Variants in AVL9 observed in about 807,000 individuals in gnomAD.
AVL9 encodes late secretory pathway protein AVL9 homolog.
In AVL9, 49 loss-of-function variants were observed where a neutral mutation model predicts 79.2. The observed-to-expected ratio is 0.62, with a 90% confidence interval of 0.49 to 0.79. The LOEUF (loss-of-function observed/expected upper bound fraction) is 0.79, where lower values mean the gene tolerates loss of function less well. Ranked by LOEUF, AVL9 falls within the 30% of genes least tolerant of loss-of-function variation. The probability of loss-of-function intolerance (pLI) is 0.00; values close to 1 mark genes in which losing one functional copy is unlikely to be tolerated. For synonymous variants in AVL9, 299 were observed against 280.6 expected (o/e 1.07, Z -0.65); for missense variants, 682 against 776.8 (o/e 0.88, Z 1.45).
intron 1 of AVL9, among the ~76,000 whole-genome samples, chr7:32,516,108 ATTC>A (rs1787892777): frequency 1.3e-5 from 2 of 152,290 alleles, no homozygotes; most frequent in South Asian, 4.1e-4. Context: ...TCATGGGCAG[ATTC>A]TTCTTAGGTC....
At chr7:32,514,310 T>C (rs1296005581) in intron 1 of AVL9, among the ~76,000 whole-genome samples, 1 of 152,232 alleles carries the variant, frequency 6.6e-6, no homozygotes, top group Admixed American at 6.5e-5. Context: ...CCACAGTGCA[T>C]TGTGTCTCTG....
At chr7:32,529,683 T>C (rs1391768642) in intron 1 of AVL9, among the ~76,000 whole-genome samples, 1 of 152,214 alleles carries the variant, frequency 6.6e-6, no homozygotes, top group Non-Finnish European at 1.5e-5. Context: ...GAACACTTCA[T>C]CTTCATATAT....
intron 1 of AVL9, among the ~76,000 whole-genome samples, chr7:32,523,173 G>A (rs1459139889): frequency 4.7e-5 from 5 of 105,990 alleles, no homozygotes; most frequent in African/African-American, 1.8e-4. Flanking sequence ...AAAAAAAAAA[G>A]GAAAGCAAAA....
Position 32,544,693 on chromosome 7 carries a change from G to T in AVL9, c.215-1G>T. ...TTTACATTTTTCTATGTATCTCTTA[G>T]ATACTGTGTTTTTTCACTTGCCACC... On this transcript the variant is annotated splice_acceptor_variant, in intron 2 of 15. Transcript: ENST00000318709. LOFTEE classifies it high-confidence loss of function. 6.2e-7 allele frequency: 1 copy of T among 1,609,528 alleles called. No homozygotes were observed.
At chr7:32,514,397 C>T (rs538830814) in intron 1 of AVL9, among the ~76,000 whole-genome samples, 4 of 152,336 alleles carry the variant, frequency 2.6e-5, no homozygotes, top group African/African-American at 9.6e-5. Context: ...AAAGCACATC[C>T]TGCACAGCCC....
intron 10 of AVL9, among the ~76,000 whole-genome samples, chr7:32,569,170 G>A (rs897858048): frequency 2.0e-5 from 3 of 152,158 alleles, no homozygotes; most frequent in Non-Finnish European, 4.4e-5. Context: ...GTGATGAGAT[G>A]TAAAAAAATA....
rs1789300392 is a variant in AVL9, at chr7:32,543,235, C to T, written c.188C>T (p.Pro63Leu). Reference protein sequence around the residue: ...EWKYLPFLALPDGAHNYQEDT... With the variant: ...EWKYLPFLALLDGAHNYQEDT... The stretch of plus-strand genomic sequence containing the variant: ...AAGTATTTGCCCTTCCTTGCCTTAC[C>T]AGATGGCGCACACAACTACCAGGAA... Residue 63 changes from proline to leucine, a missense_variant, in exon 2 of 16, where the codon CCA becomes CTA. Coordinates refer to ENST00000318709, the MANE Select transcript of AVL9 (RefSeq NM_015060.3). 6.2e-7 allele frequency: 1 copy of T among 1,614,066 alleles called. No individual in the cohort carries two copies. The highest frequency in any genetic ancestry group is 1.3e-5 in the African/African-American group (1 of 74,910).
Position 32,573,326 on chromosome 7 carries a change from TAG to T in AVL9, c.1480_1481del (p.Asp494TrpfsTer8). The T allele has an allele frequency of 6.2e-7, 1 of 1,613,832 alleles. No homozygotes were observed. The highest frequency in any genetic ancestry group is 8.5e-7 in the Non-Finnish European group (1 of 1,179,976). On this transcript the variant is annotated frameshift_variant, in exon 12 of 16. Coordinates refer to ENST00000318709, the MANE Select transcript of AVL9 (RefSeq NM_015060.3). LOFTEE classifies it high-confidence loss of function. ...ACTGAGAATCGGGATGACGTCTTCC[TAG>T]ATGGCACGGGCTGGGAGGGAGGTGA...
chr7:32,578,020 C>A (rs1272871091), intron 13 of AVL9, among the ~76,000 whole-genome samples: 1 of 152,008 alleles, frequency 6.6e-6, no homozygotes, highest in African/African-American at 2.4e-5. Context: ...GCTCGTGTAC[C>A]CAACCCGCCA....
chr7:32,543,556 G>A (rs1789316184), intron 2 of AVL9, among the ~76,000 whole-genome samples: 1 of 152,178 alleles, frequency 6.6e-6, no homozygotes, highest in South Asian at 2.1e-4. Flanking sequence ...ACTCCTCAGA[G>A]GCAAATCAGG....
At position 32,559,137 on chromosome 7, in the gene AVL9, T is replaced by A; in HGVS notation, c.888T>A (p.Pro296=). ...GEDAAMKTEE[P]LFQVEDSSKG... ...ATGCTGCCATGAAGACTGAGGAGCCTTTGTTCCAAGTGGAAGACAGCAGCA... is the reference window on the plus strand; with the variant it reads ...ATGCTGCCATGAAGACTGAGGAGCCATTGTTCCAAGTGGAAGACAGCAGCA... The change falls in exon 10 of 16, where the codon CCT becomes CCA. Residue 296 remains proline (P), a synonymous_variant. Transcript: ENST00000318709. 1 of 1,614,054 alleles carries A rather than the reference T, an allele frequency of 6.2e-7. No individual in the cohort carries two copies. Among genetic ancestry groups the A allele is most frequent in the Non-Finnish European group, 8.5e-7 (1 of 1,179,994 alleles).
In AVL9 at chr7:32,551,366, A is replaced by G. The variant is rs759454167; in HGVS notation, c.405A>G (p.Gln135=). 23 of 1,611,334 alleles carry G rather than the reference A, an allele frequency of 1.4e-5. No individual in the cohort carries two copies. Among genetic ancestry groups the G allele is most frequent in the Non-Finnish European group, 1.8e-5 (21 of 1,178,188 alleles). Residue 135 remains glutamine, a synonymous_variant, in exon 5 of 16, where the codon CAA becomes CAG. Coordinates refer to ENST00000318709, the MANE Select transcript of AVL9 (RefSeq NM_015060.3). ...PLYGLLQAKL[Q]LITHAYFEEK... is the part of the protein sequence containing the mutation. ...ATGGTTTACTTCAAGCAAAACTTCA[A>G]CTCATTACACATGCATATTTTGAAG...
Position 32,554,602 on chromosome 7 carries a change from A to G in AVL9, c.609+6A>G. 6.6e-7 allele frequency: 1 copy of G among 1,510,680 alleles called. No individual in the cohort carries two copies. The highest frequency in any genetic ancestry group is 8.9e-7 in the Non-Finnish European group (1 of 1,119,016). The allele number at this position is 1,510,680 out of a possible 1,614,324, so 93.6% of individuals were successfully genotyped here. On this transcript the variant is annotated splice_donor_region_variant and intron_variant, in intron 8 of 15. Coordinates refer to ENST00000318709, the MANE Select transcript of AVL9 (RefSeq NM_015060.3). ...TAATTCTTCTTGAAAAAAAGGTACGATCCTAAGGGATGAAAGGAAAGATGG... is the reference window on the plus strand; with the variant it reads ...TAATTCTTCTTGAAAAAAAGGTACGGTCCTAAGGGATGAAAGGAAAGATGG...
intron 15 of AVL9, among the ~76,000 whole-genome samples, chr7:32,582,863 T>C (rs1298517946): frequency 6.6e-6 from 1 of 152,160 alleles, no homozygotes; most frequent in Non-Finnish European, 1.5e-5. Context: ...TTTTCTATTT[T>C]TTGTAGAAAG....
Position 32,510,636 on chromosome 7 carries a change from T to G in AVL9, c.93+14834T>G, listed in dbSNP as rs560341592. Among the ~76,000 whole-genome samples, 68 of 138,758 alleles carry G rather than the reference T, an allele frequency of 4.9e-4. 1 individual carries two copies. The highest frequency in any genetic ancestry group is 1.8e-3 in the African/African-American group (67 of 37,320). 91.0% of individuals were successfully genotyped at this position (138,758 alleles called of 152,430 possible). A position where few individuals can be genotyped will look rare whatever the true frequency, so the allele number is the denominator to read the frequency against. ...CTGGCACTTCTGAACTGCCCCATTA[T>G]GAGGGAAACCATCTCCCCAGGGTAA... On this transcript the variant is annotated intron_variant, in intron 1 of 15. Coordinates refer to ENST00000318709, the MANE Select transcript of AVL9 (RefSeq NM_015060.3).
chr7:32,552,897 C>G (rs1214406239), intron 6 of AVL9, among the ~76,000 whole-genome samples: 2 of 152,142 alleles, frequency 1.3e-5, no homozygotes, highest in African/African-American at 4.8e-5. Flanking sequence ...GAAAGCTGCT[C>G]AGCTCTTTTA....
At chr7:32,554,911 C>G (rs1789992018) in intron 8 of AVL9, among the ~76,000 whole-genome samples, 1 of 152,132 alleles carries the variant, frequency 6.6e-6, no homozygotes, top group Non-Finnish European at 1.5e-5. Context: ...TCTCTTTGCT[C>G]TACAGTGCAC....
chr7:32,505,762 T>C (rs550190146), intron 1 of AVL9, among the ~76,000 whole-genome samples: 1 of 152,296 alleles, frequency 6.6e-6, no homozygotes, highest in Non-Finnish European at 1.5e-5. Context: ...ACTCAAACAA[T>C]AGCTCTGCTG....
chr7:32,532,490 G>C (rs541122526), intron 1 of AVL9: 98 of 148,504 alleles, frequency 6.6e-4, no homozygotes, highest in African/African-American at 2.4e-3. Flanking sequence ...GTTGACACAA[G>C]CAAAATGTCA....
Sources: gnomAD v4.1 joint callset for allele counts (sites outside exome capture counted in the v4.1 genomes callset) on GRCh38, gnomAD v4.1.1 for gene constraint, MANE v1.5 for transcripts, NCBI Gene and HGNC (gene_info 2026-07-23, HGNC 2026-07-21) for gene names.